Variants in LOC128462377 observed in about 807,000 individuals in gnomAD.
At chr16:89,378,988 G>C in the LOC128462377 span, among the ~76,000 whole-genome samples, 1 of 152,212 alleles carries the variant, frequency 6.6e-6, no homozygotes, top group South Asian at 2.1e-4. Flanking sequence ...CGGCACACTG[G>C]GGAGCGTCAA....
the LOC128462377 span, among the ~76,000 whole-genome samples, chr16:89,364,679 C>T: frequency 2.0e-5 from 3 of 152,210 alleles, no homozygotes; most frequent in Admixed American, 1.3e-4. Flanking sequence ...AATCTCATAA[C>T]GTTTACAAAT....
chr16:89,386,725 T>G, the LOC128462377 span, among the ~76,000 whole-genome samples: 2 of 152,196 alleles, frequency 1.3e-5, no homozygotes, highest in Non-Finnish European at 2.9e-5. Flanking sequence ...AGTTTTTTAT[T>G]AAAACCATTG....
chr16:89,398,293 TG>T, the LOC128462377 span, among the ~76,000 whole-genome samples: 3 of 150,232 alleles, frequency 2.0e-5, no homozygotes, highest in African/African-American at 7.4e-5. Flanking sequence ...CTCAGCACTC[TG>T]GGAGGCTGAC....
At chr16:89,347,877 G>C in the LOC128462377 span, among the ~76,000 whole-genome samples, 1,562 of 152,110 alleles carry the variant, frequency 0.01, 24 homozygotes, top group African/African-American at 0.035. Flanking sequence ...CCATCAGACT[G>C]AGGAAACTCC....
chr16:89,405,621 G>A, the LOC128462377 span, among the ~76,000 whole-genome samples: 3 of 151,278 alleles, frequency 2.0e-5, no homozygotes, highest in Admixed American at 6.6e-5. Context: ...GGCCTGAGCC[G>A]CCATGCCCGG....
the LOC128462377 span, among the ~76,000 whole-genome samples, chr16:89,334,777 C>A: frequency 1.3e-5 from 2 of 152,134 alleles, no homozygotes; most frequent in African/African-American, 4.8e-5. Flanking sequence ...TGCAAAAAGC[C>A]CACCCACGTG....
the LOC128462377 span, among the ~76,000 whole-genome samples, chr16:89,341,946 C>CT: frequency 6.6e-6 from 1 of 150,890 alleles, no homozygotes; most frequent in African/African-American, 2.5e-5. Flanking sequence ...ACCTCCTCCA[C>CT]GAACAGCAGC....
At chr16:89,368,847 T>C in the LOC128462377 span, among the ~76,000 whole-genome samples, 3 of 151,816 alleles carry the variant, frequency 2.0e-5, no homozygotes, top group Non-Finnish European at 4.4e-5. Flanking sequence ...CCACAGTGAG[T>C]CCTGACCAAG....
the LOC128462377 span, among the ~76,000 whole-genome samples, chr16:89,363,219 G>A: frequency 2.9e-4 from 44 of 152,260 alleles, no homozygotes; most frequent in African/African-American, 1.0e-3. Flanking sequence ...ATCAGAAATA[G>A]GTAAGTTTTC....
chr16:89,406,264 G>C, the LOC128462377 span, among the ~76,000 whole-genome samples: 1 of 152,176 alleles, frequency 6.6e-6, no homozygotes, highest in Non-Finnish European at 1.5e-5. Flanking sequence ...CACACGTGCT[G>C]GTCTCCAGGA....
the LOC128462377 span, among the ~76,000 whole-genome samples, chr16:89,337,133 T>A: frequency 6.6e-6 from 1 of 150,890 alleles, no homozygotes; most frequent in Non-Finnish European, 1.5e-5. Context: ...CTGCAGTGAG[T>A]TGAGATCACA....
chr16:89,317,167 T>C, the LOC128462377 span: 1 of 916,978 alleles, frequency 1.1e-6, no homozygotes. Context: ...ACTCAGTAAC[T>C]AGTCAAGGCA....
the LOC128462377 span, among the ~76,000 whole-genome samples, chr16:89,336,654 G>C: frequency 4.6e-5 from 7 of 152,138 alleles, no homozygotes; most frequent in Non-Finnish European, 7.4e-5. Context: ...ACACCCCCCG[G>C]GTGGGCCACG....
At chr16:89,356,278 G>A in the LOC128462377 span, among the ~76,000 whole-genome samples, 1 of 151,702 alleles carries the variant, frequency 6.6e-6, no homozygotes, top group Non-Finnish European at 1.5e-5. Context: ...AGACATCTTT[G>A]TCAAGGGAGT....
At chr16:89,324,509 G>A in the LOC128462377 span, 2 of 456,166 alleles carry the variant, frequency 4.4e-6, no homozygotes, top group Non-Finnish European at 8.8e-6. Flanking sequence ...AGCATCTTGA[G>A]GAAGCTGCCA....
chr16:89,404,037 T>C, the LOC128462377 span, among the ~76,000 whole-genome samples: 1 of 152,192 alleles, frequency 6.6e-6, no homozygotes, highest in Non-Finnish European at 1.5e-5. Context: ...GGCAAACTTA[T>C]AACTAAAATT....
At chr16:89,333,823 G>C in the LOC128462377 span, among the ~76,000 whole-genome samples, 5 of 152,070 alleles carry the variant, frequency 3.3e-5, no homozygotes, top group African/African-American at 1.2e-4. Flanking sequence ...AAACATTAGG[G>C]GGCACTGCAC....
the LOC128462377 span, among the ~76,000 whole-genome samples, chr16:89,385,898 C>T: frequency 0.019 from 2,933 of 152,346 alleles, 98 homozygotes; most frequent in African/African-American, 0.067. Flanking sequence ...GTAGGCAACC[C>T]GGTGGTCCCC....
At chr16:89,328,097 T>C in the LOC128462377 span, among the ~76,000 whole-genome samples, 2 of 152,190 alleles carry the variant, frequency 1.3e-5, no homozygotes, top group Non-Finnish European at 2.9e-5. Context: ...GAACAAGCCA[T>C]GAAGGCACTC....
Sources: allele counts gnomAD v4.1 joint callset (sites outside exome capture counted in the v4.1 genomes callset), GRCh38; gene constraint gnomAD v4.1.1; transcripts MANE v1.5.